TMEM232: variants seen among roughly 807,000 people sequenced by gnomAD.
The protein encoded by TMEM232 is transmembrane protein 232.
Under a neutral mutation model 78.8 loss-of-function variants are expected in TMEM232, and 80 were observed. The observed-to-expected ratio is 1.01, with a 90% CI of 0.85 to 1.22. The LOEUF (loss-of-function observed/expected upper bound fraction) is 1.22, where lower values mean the gene tolerates loss of function less well. Ranked by LOEUF, TMEM232 falls within the 50% of genes most tolerant of loss-of-function variation. The pLI is 0.00. For synonymous variants in TMEM232, 297 were observed against 254.3 expected, an observed-to-expected ratio of 1.17 and a Z score of -1.60; for missense variants, 881 against 742.2, an observed-to-expected ratio of 1.19 and a Z score of -2.17.
At chr5:110,618,123 C>A (rs2149891135) in intron 8 of TMEM232, 2 of 258,570 alleles carry the variant, frequency 7.7e-6, no homozygotes, top group East Asian at 1.1e-4. Context: ...TGTTTAACAA[C>A]TTGGAATATA....
intron 10 of TMEM232, among the ~76,000 whole-genome samples, chr5:110,574,640 C>G (rs377503003): frequency 9.2e-5 from 14 of 151,976 alleles, no homozygotes; most frequent in African/African-American, 2.9e-4. Context: ...ACCAAGCCCC[C>G]CCAAAAATTG....
intron 12 of TMEM232, among the ~76,000 whole-genome samples, chr5:110,460,777 T>C (rs933025391): frequency 3.3e-5 from 5 of 152,226 alleles, no homozygotes; most frequent in Admixed American, 1.3e-4. Context: ...CTGTGTCACA[T>C]TTAGTAATTC....
At chr5:110,617,430 C>A (rs575046836) in intron 8 of TMEM232, among the ~76,000 whole-genome samples, 1 of 151,900 alleles carries the variant, frequency 6.6e-6, no homozygotes, top group Non-Finnish European at 1.5e-5. Context: ...TTGTTCTTAC[C>A]ACCAAAAAAT....
intron 12 of TMEM232, among the ~76,000 whole-genome samples, chr5:110,450,523 C>A (rs930664947): frequency 3.5e-4 from 53 of 152,154 alleles, no homozygotes; most frequent in African/African-American, 1.3e-3. Flanking sequence ...CAAAATAGAG[C>A]CCCTGGATTC....
At chr5:110,469,035 T>A (rs576350733) in intron 12 of TMEM232, among the ~76,000 whole-genome samples, 21 of 152,136 alleles carry the variant, frequency 1.4e-4, no homozygotes, top group African/African-American at 4.8e-4. Context: ...AGCAATAGGA[T>A]CCCAGCAGCC....
At chr5:110,688,416 G>A (rs1793692344) in intron 1 of TMEM232, among the ~76,000 whole-genome samples, 1 of 152,180 alleles carries the variant, frequency 6.6e-6, no homozygotes, top group Non-Finnish European at 1.5e-5. Context: ...TGGAGAGAGA[G>A]AGATGTCTCC....
At position 110,398,945 on chromosome 5, in the gene TMEM232, T is replaced by C. The variant is rs374422933; in HGVS notation, n.309-1091A>G. Among the ~76,000 whole-genome samples, 18 of 152,226 alleles carry C rather than the reference T, an allele frequency of 1.2e-4. No individual in the cohort carries two copies. The East Asian group carries it at 3.5e-3, about 29-fold the overall frequency. ...TTCCAGTGTGGCAGAAGTAGCAGCATCTTTGGGGCCCATTACCCATTGTGG... is the reference window on the plus strand; with the variant it reads ...TTCCAGTGTGGCAGAAGTAGCAGCACCTTTGGGGCCCATTACCCATTGTGG... On this transcript the variant is annotated intron_variant and non_coding_transcript_variant, in intron 2 of 8. Transcript: ENST00000507188.
intron 12 of TMEM232, among the ~76,000 whole-genome samples, chr5:110,463,154 C>T (rs897729848): frequency 1.3e-5 from 2 of 152,114 alleles, no homozygotes; most frequent in Non-Finnish European, 2.9e-5. Flanking sequence ...TTATTGTTGT[C>T]TTATTTTAAG....
At chr5:110,461,315 G>C (rs1411579711) in intron 12 of TMEM232, among the ~76,000 whole-genome samples, 1 of 152,098 alleles carries the variant, frequency 6.6e-6, no homozygotes, top group Admixed American at 6.6e-5. Context: ...GGTCTGGATA[G>C]AGGATGAAGC....
intron 10 of TMEM232, among the ~76,000 whole-genome samples, chr5:110,568,957 G>A (rs1481431976): frequency 6.6e-6 from 1 of 151,782 alleles, no homozygotes; most frequent in African/African-American, 2.4e-5. Context: ...CTGTTCAAAG[G>A]AATATGAACA....
chr5:110,577,759 C>T (rs1438727916), intron 10 of TMEM232, among the ~76,000 whole-genome samples: 1 of 151,936 alleles, frequency 6.6e-6, no homozygotes, highest in Non-Finnish European at 1.5e-5. Flanking sequence ...TCCTTAGAAA[C>T]TAATACAAGA....
At chr5:110,441,009 C>T (rs1019538232) in intron 12 of TMEM232, among the ~76,000 whole-genome samples, 6 of 152,086 alleles carry the variant, frequency 3.9e-5, no homozygotes, top group African/African-American at 1.4e-4. Flanking sequence ...CTTTCAAGGT[C>T]ATTTTGACTG....
intron 3 of TMEM232, among the ~76,000 whole-genome samples, chr5:110,397,219 C>G (rs1394521038): frequency 6.6e-6 from 1 of 152,124 alleles, no homozygotes; most frequent in African/African-American, 2.4e-5. Context: ...CTTGATTAAA[C>G]TCTTAGTTCC....
chr5:110,576,282 C>A (rs1777564670), intron 10 of TMEM232, among the ~76,000 whole-genome samples: 1 of 152,006 alleles, frequency 6.6e-6, no homozygotes, highest in South Asian at 2.1e-4. Flanking sequence ...CTCCCATTCA[C>A]AAGTGTCACA....
chr5:110,466,497 A>C (rs550991606), intron 12 of TMEM232, among the ~76,000 whole-genome samples: 2 of 152,200 alleles, frequency 1.3e-5, no homozygotes, highest in South Asian at 4.1e-4. Flanking sequence ...CCATGAGTTT[A>C]TTTACTCAAC....
chr5:110,726,409 A>G (rs1376214854), intron 1 of TMEM232, among the ~76,000 whole-genome samples: 2 of 152,130 alleles, frequency 1.3e-5, no homozygotes, highest in Non-Finnish European at 2.9e-5. Context: ...TGGCTTTTCC[A>G]GGATGGACTG....
Position 110,402,815 on chromosome 5 carries a change from T to C in TMEM232, n.309-4961A>G, listed in dbSNP as rs912357967. ...CCTAGGGGAGGTCAGTGTACCTTGA[T>C]TGACAGCTTCACAAAGACTACAAAA... On this transcript the variant is annotated intron_variant and non_coding_transcript_variant, in intron 2 of 8. Transcript: ENST00000507188. 3.3e-5 allele frequency among the ~76,000 whole-genome samples: 5 copies of C among 152,062 alleles called. No individual in the cohort carries two copies. In the East Asian group the frequency reaches 7.7e-4, roughly 23 times the overall value.
chr5:110,707,830 A>T (rs1561547638), intron 1 of TMEM232, among the ~76,000 whole-genome samples: 1 of 152,136 alleles, frequency 6.6e-6, no homozygotes, highest in African/African-American at 2.4e-5. Context: ...GCTCAGCCAC[A>T]ATAGGTTAGG....
chr5:110,490,013 A>G (rs1487844492), intron 12 of TMEM232, among the ~76,000 whole-genome samples: 1 of 151,842 alleles, frequency 6.6e-6, no homozygotes, highest in Non-Finnish European at 1.5e-5. Context: ...AGTCTCAGCT[A>G]CTCTGGAGGC....
Sources: gnomAD v4.1 joint callset for allele counts (sites outside exome capture counted in the v4.1 genomes callset) on GRCh38, gnomAD v4.1.1 for gene constraint, MANE v1.5 for transcripts, NCBI Gene and HGNC (gene_info 2026-07-23, HGNC 2026-07-21) for gene names.